The following FKBP5 variants were observed in gnomAD, a reference collection of about 807,000 sequenced individuals.
FKBP5 encodes peptidyl-prolyl cis-trans isomerase FKBP5.
A neutral mutation model predicts 50.5 loss-of-function variants in FKBP5; 23 were observed. The observed-to-expected ratio is 0.46, with a 90% CI of 0.33 to 0.65. The LOEUF is 0.65. Among genes scored for constraint, FKBP5 ranks in the 30% least tolerant of loss-of-function variants. The pLI is 0.02. For missense variants in FKBP5, 411 were observed against 553.1 expected (o/e 0.74, Z 2.58); for synonymous variants, 176 against 190.6 (o/e 0.92, Z 0.63).
At chr6:35,668,260 A>T (rs767466424) in intron 1 of FKBP5, among the ~76,000 whole-genome samples, 5 of 152,248 alleles carry the variant, frequency 3.3e-5, no homozygotes, top group Non-Finnish European at 7.4e-5. Flanking sequence ...ACTCCCCTTT[A>T]TGCTGGAAAC....
intron 9 of FKBP5, among the ~76,000 whole-genome samples, 198 bp downstream of exon 9, chr6:35,579,838 C>T (rs1013789474): frequency 4.6e-5 from 7 of 152,070 alleles, no homozygotes; most frequent in Admixed American, 1.3e-4. Flanking sequence ...GTCTAGGTAT[C>T]ATAAAAGTCT....
At chr6:35,641,083 A>G (rs1764473443) in intron 2 of FKBP5, among the ~76,000 whole-genome samples, 1 of 152,166 alleles carries the variant, frequency 6.6e-6, no homozygotes, top group Non-Finnish European at 1.5e-5. Flanking sequence ...GGCTTACATG[A>G]TCCTCCTGCC....
chr6:35,709,507 G>T (rs941094843), intron 2 of FKBP5, among the ~76,000 whole-genome samples: 1 of 152,160 alleles, frequency 6.6e-6, no homozygotes, highest in Admixed American at 6.6e-5. Flanking sequence ...TTTTCACCAT[G>T]TGCAAATATA....
chr6:35,673,756 A>G (rs1765455090), intron 1 of FKBP5, among the ~76,000 whole-genome samples: 1 of 152,200 alleles, frequency 6.6e-6, no homozygotes, highest in Admixed American at 6.5e-5. Context: ...TTGAATTATT[A>G]TCATATAGTT....
chr6:35,605,789 GCATGGTACTGAGC>G (rs2150968946), intron 5 of FKBP5, among the ~76,000 whole-genome samples: 1 of 152,264 alleles, frequency 6.6e-6, no homozygotes, highest in African/African-American at 2.4e-5. Flanking sequence ...CTCCTATTCA[GCATGGTACTGAGC>G]CACAGCAATC....
At chr6:35,720,662 C>G (rs1436179006) in intron 1 of FKBP5, 2 of 152,274 alleles carry the variant, frequency 1.3e-5, no homozygotes, top group African/African-American at 4.8e-5. Context: ...TCTCTCCTCC[C>G]ACTACTCCCC....
chr6:35,591,216 C>T lies in FKBP5; in HGVS notation c.670G>A (p.Gly224Ser), dbSNP rs1398705026. The change falls in exon 7 of 11, where the codon GGT (glycine) becomes AGT (serine). Residue 224 changes from glycine to serine, a missense_variant. By Grantham distance (56) the Gly-to-Ser change is moderately conservative (BLOSUM62 0). Transcript: ENST00000357266. ...TTAGGCTTCCCTGCCTCTCCAAAAC[C>T]ATATCTGAAATGGAGAGTAAAAAAT... is the stretch of plus-strand genomic sequence containing the variant. ...QCILYLGPRY[G>S]FGEAGKPKFG... The T allele has an allele frequency of 6.2e-7, 1 of 1,604,696 alleles. No individual in the cohort carries two copies. Among genetic ancestry groups the T allele is most frequent in the Non-Finnish European group, 8.5e-7 (1 of 1,172,900 alleles).
chr6:35,628,020 G>A (rs887273405), intron 3 of FKBP5, among the ~76,000 whole-genome samples: 4 of 144,516 alleles, frequency 2.8e-5, no homozygotes, highest in East Asian at 2.1e-4. Context: ...TGATCCGCCC[G>A]CCTCGGCCTC....
At chr6:35,612,697 G>A (rs975642562) in intron 5 of FKBP5, among the ~76,000 whole-genome samples, 11 of 152,240 alleles carry the variant, frequency 7.2e-5, no homozygotes, top group Non-Finnish European at 1.2e-4. Context: ...CATGGCGGCA[G>A]AAGAGGGAAG....
chr6:35,710,785 C>A (rs544049087), intron 2 of FKBP5, among the ~76,000 whole-genome samples: 1 of 152,278 alleles, frequency 6.6e-6, no homozygotes, highest in African/African-American at 2.4e-5. Context: ...ATGGTATAAC[C>A]ATCTAGTGGA....
In FKBP5 at chr6:35,696,776, A is replaced by T. The variant is rs147130038; in HGVS notation, c.-20+23552T>A. ...TGTTTAAGAAGAAAAACAAAGTAGG[A>T]GGGTTCATATTTCCTGATTTCAAAA... On this transcript the variant is annotated intron_variant, in intron 2 of 11. Transcript: ENST00000536438. Among the ~76,000 whole-genome samples the T allele has an allele frequency of 3.0e-3, 459 of 152,328 alleles. 2 individuals are homozygous for T. Among genetic ancestry groups the T allele is most frequent in the Non-Finnish European group, 4.8e-3 (328 of 68,022 alleles).
At chr6:35,652,985 G>C (rs1764852516) in intron 1 of FKBP5, among the ~76,000 whole-genome samples, 1 of 152,130 alleles carries the variant, frequency 6.6e-6, no homozygotes. Context: ...GAACCTACGT[G>C]ATTATCGGGG....
intron 2 of FKBP5, among the ~76,000 whole-genome samples, chr6:35,712,815 C>T (rs954831942): frequency 1.3e-5 from 2 of 152,176 alleles, no homozygotes; most frequent in African/African-American, 2.4e-5. Flanking sequence ...GACCCTAGAA[C>T]TGAAGCTGGC....
chr6:35,716,046 G>T (rs1581903342), intron 2 of FKBP5, among the ~76,000 whole-genome samples: 1 of 152,088 alleles, frequency 6.6e-6, no homozygotes, highest in African/African-American at 2.4e-5. Context: ...AGGGTGGCCC[G>T]AAAGTTTCTG....
intron 6 of FKBP5, among the ~76,000 whole-genome samples, chr6:35,596,406 C>A (rs752714504): frequency 6.6e-6 from 1 of 151,944 alleles, no homozygotes; most frequent in Non-Finnish European, 1.5e-5. Context: ...AGGTAAACTG[C>A]CATTGGATTA....
chr6:35,716,731 C>T (rs535796046), intron 2 of FKBP5, among the ~76,000 whole-genome samples: 3 of 152,108 alleles, frequency 2.0e-5, no homozygotes, highest in African/African-American at 7.2e-5. Context: ...AACATTACCC[C>T]CTGCTTGGCT....
At chr6:35,586,078 G>C (rs1051225098) in intron 8 of FKBP5, 2 of 984,986 alleles carry the variant, frequency 2.0e-6, no homozygotes, top group Non-Finnish European at 2.4e-6. Flanking sequence ...GGCAGAAAAC[G>C]AAAGAAACCT....
chr6:35,726,089 T>C (rs189931154), intron 1 of FKBP5, among the ~76,000 whole-genome samples: 24 of 152,262 alleles, frequency 1.6e-4, no homozygotes, highest in Admixed American at 1.6e-3. Flanking sequence ...GCAGCCCAGG[T>C]GACACCCGGA....
chr6:35,651,302 T>C (rs1049202341), intron 1 of FKBP5, among the ~76,000 whole-genome samples: 1 of 152,236 alleles, frequency 6.6e-6, no homozygotes, highest in Non-Finnish European at 1.5e-5. Context: ...ATTACTTTCA[T>C]GATCTTTTTA....
Sources: allele counts gnomAD v4.1 joint callset (sites outside exome capture counted in the v4.1 genomes callset), GRCh38; gene constraint gnomAD v4.1.1; transcripts MANE v1.5; gene names NCBI Gene and HGNC (gene_info 2026-07-23, HGNC 2026-07-21).